Variants in TM4SF20 observed in about 807,000 individuals in gnomAD.
The protein encoded by TM4SF20 is transmembrane 4 L6 family member 20.
A neutral mutation model predicts 15.1 loss-of-function variants in TM4SF20; 13 were observed. The observed-to-expected ratio is 0.86, with a 90% CI of 0.56 to 1.36. TM4SF20 has a LOEUF of 1.36. Among genes scored for constraint, TM4SF20 ranks in the 40% most tolerant of loss-of-function variants. TM4SF20 has a pLI of 0.00. For missense variants in TM4SF20, 282 were observed against 268.4 expected (o/e 1.05, Z -0.35); for synonymous variants, 92 against 96.6 (o/e 0.95, Z 0.28).
At chr2:227,365,303 T>A (rs374314043) in intron 3 of TM4SF20, among the ~76,000 whole-genome samples, 19 of 152,276 alleles carry the variant, frequency 1.2e-4, no homozygotes, top group East Asian at 7.7e-4. Context: ...GGAGAAAAAA[T>A]TTTTTGTATG....
chr2:227,379,740 G>C (rs931433459), upstream of TM4SF20, among the ~76,000 whole-genome samples: 1 of 152,188 alleles, frequency 6.6e-6, no homozygotes, highest in Non-Finnish European at 1.5e-5. Context: ...ATTTCAAGCC[G>C]TATGCTCACA....
chr2:227,363,056 A>C lies in TM4SF20; in HGVS notation c.*668T>G, dbSNP rs1236935657. On this transcript the variant is annotated 3_prime_UTR_variant, in exon 4 of 4. Transcript: ENST00000304568. ...TTGTCCTAGTGTTCCCTGCAAGCTG[A>C]GAATTAGATCTAAAGACTTGATTGC... 6.6e-6 allele frequency: 1 copy of C among 152,148 alleles called. No homozygotes were observed. The highest frequency in any genetic ancestry group is 1.5e-5 in the Non-Finnish European group (1 of 68,020). The allele number at this position is 152,148 out of a possible 1,614,324, so 9.4% of individuals were successfully genotyped here. A position where few individuals can be genotyped will look rare whatever the true frequency, so the allele number is the denominator to read the frequency against.
At chr2:227,378,664 A>G (rs1452247537) in intron 1 of TM4SF20, among the ~76,000 whole-genome samples, 1 of 152,170 alleles carries the variant, frequency 6.6e-6, no homozygotes, top group South Asian at 2.1e-4. Context: ...GTCATCATAC[A>G]TGGGAATGTT....
chr2:227,369,427 C>CTTTTTTTTTTT (rs57148409), intron 2 of TM4SF20, among the ~76,000 whole-genome samples: 1 of 125,326 alleles, frequency 8.0e-6, no homozygotes. Context: ...CCCCATCTGT[C>CTTTTTTTTTTT]TTTTTTTTTT....
chr2:227,377,273 T>C (rs146750906), intron 1 of TM4SF20, among the ~76,000 whole-genome samples: 2 of 152,314 alleles, frequency 1.3e-5, no homozygotes, highest in Non-Finnish European at 2.9e-5. Context: ...TGCTCCTGGC[T>C]TCTGGTGTAA....
At position 227,362,610 on chromosome 2, in the gene TM4SF20, A is replaced by G. The variant is rs2076367505; in HGVS notation, c.*1114T>C. The stretch of plus-strand genomic sequence containing the variant: ...ATGCAGTCAAAATTGTGTTTCATGC[A>G]CAAAGTTATTTAAAATATTGTGTGA... On this transcript the variant is annotated 3_prime_UTR_variant, in exon 4 of 4. Transcript: ENST00000304568. The G allele has an allele frequency of 1.3e-5, 2 of 152,224 alleles. No individual in the cohort carries two copies. Among genetic ancestry groups the G allele is most frequent in the African/African-American group, 4.8e-5 (2 of 41,460 alleles). The allele number at this position is 152,224 out of a possible 1,614,324, so 9.4% of individuals were successfully genotyped here.
At chr2:227,374,403 G>T (rs920545247) in intron 1 of TM4SF20, among the ~76,000 whole-genome samples, 21 of 150,956 alleles carry the variant, frequency 1.4e-4, no homozygotes, top group Admixed American at 8.7e-4. Flanking sequence ...AAATTGGAGG[G>T]GCTCTTTAGA....
At chr2:227,379,008 A>G in intron 1 of TM4SF20, 78 bp downstream of exon 1, 1 of 1,440,394 alleles carries the variant, frequency 6.9e-7, no homozygotes. Context: ...GTTAACTGCA[A>G]GACTGGAAGA....
chr2:227,375,034 C>T (rs1217774498), intron 1 of TM4SF20, among the ~76,000 whole-genome samples: 2 of 151,720 alleles, frequency 1.3e-5, no homozygotes, highest in South Asian at 4.2e-4. Context: ...ACAAGTGATT[C>T]TCCTGCCTCA....
At position 227,370,969 on chromosome 2, in the gene TM4SF20, T is replaced by G. The variant is rs749808805; in HGVS notation, c.195A>C (p.Ala65=). The G allele has an allele frequency of 2.0e-5, 32 of 1,614,014 alleles. No homozygotes were observed. The highest frequency in any genetic ancestry group is 2.7e-5 in the Non-Finnish European group (32 of 1,179,904). ...TTCTTGCTGTCAAGGACATTGTTGT[T>G]GCTGGAATGGCCTGGAAATGACATC... ...IIGAGLMAIP[A]TTMSLTARKR... is the part of the protein sequence containing the mutation. The change falls in exon 2 of 4, where the codon GCA becomes GCC. Residue 65 remains alanine, a synonymous_variant. Coordinates refer to ENST00000304568, the MANE Select transcript of TM4SF20 (RefSeq NM_024795.4).
intron 1 of TM4SF20, among the ~76,000 whole-genome samples, chr2:227,372,362 T>C (rs2076425038): frequency 6.6e-6 from 1 of 152,132 alleles, no homozygotes; most frequent in African/African-American, 2.4e-5. Context: ...AACTAGTCAT[T>C]TGGCTGGGCG....
chr2:227,364,796 G>C (rs1241967280), intron 3 of TM4SF20, among the ~76,000 whole-genome samples: 1 of 152,242 alleles, frequency 6.6e-6, no homozygotes, highest in African/African-American at 2.4e-5. Flanking sequence ...TCTGCAGAGC[G>C]TAGCCTGGTG....
chr2:227,377,098 C>A (rs1420602631), intron 1 of TM4SF20, among the ~76,000 whole-genome samples: 3 of 151,198 alleles, frequency 2.0e-5, no homozygotes, highest in Non-Finnish European at 4.4e-5. Context: ...GTCATCGCCA[C>A]CTCCGACTCC....
At chr2:227,370,713 G>A (rs771384298) in intron 2 of TM4SF20, among the ~76,000 whole-genome samples, 5 of 152,016 alleles carry the variant, frequency 3.3e-5, no homozygotes, top group Non-Finnish European at 5.9e-5. Context: ...AACCGAGATC[G>A]CACCACTGCA....
chr2:227,372,681 G>A lies in TM4SF20; in HGVS notation c.184-1701C>T, dbSNP rs546090401. 2.6e-5 allele frequency among the ~76,000 whole-genome samples: 4 copies of A among 152,178 alleles called. No homozygotes were observed. In the South Asian group the frequency reaches 6.2e-4, roughly 24 times the overall value. On this transcript the variant is annotated intron_variant, in intron 1 of 3. Transcript: ENST00000304568. ...ACAACAAAAAAAGCTAGTCATTTGG[G>A]GTGCAGAGCCCACATAGTTTTTTGT... is the stretch of plus-strand genomic sequence containing the variant.
chr2:227,371,649 G>A (rs1285093657), intron 1 of TM4SF20, among the ~76,000 whole-genome samples: 1 of 152,194 alleles, frequency 6.6e-6, no homozygotes, highest in African/African-American at 2.4e-5. Context: ...AAATTGTATG[G>A]ATTATTCTGG....
Position 227,366,124 on chromosome 2 carries a change from C to T in TM4SF20, c.370G>A (p.Ala124Thr), listed in dbSNP as rs747334569. 2.5e-6 allele frequency: 4 copies of T among 1,613,116 alleles called. No individual in the cohort carries two copies. In the East Asian group the frequency reaches 8.9e-5, roughly 36 times the overall value. The part of the protein sequence containing the change: ...LMCNSPSNSN[A>T]NCEFSLKNIS... ...TTTTTCAATGAAAATTCACAATTGGCATTACTGTTGCTTGGAGAATTACAC... is the reference window on the plus strand; with the variant it reads ...TTTTTCAATGAAAATTCACAATTGGTATTACTGTTGCTTGGAGAATTACAC... The change falls in exon 3 of 4, where the codon GCC becomes ACC. Residue 124 changes from alanine to threonine, a missense_variant. Transcript: ENST00000304568.
At chr2:227,379,046 C>T (rs1490210054) in intron 1 of TM4SF20, 40 bp downstream of exon 1, 1 of 1,589,048 alleles carries the variant, frequency 6.3e-7, no homozygotes, top group Admixed American at 1.7e-5. Context: ...GTGAAATAGG[C>T]AGGCCCTTCT....
chr2:227,374,566 TAA>T (rs942381779), intron 1 of TM4SF20, among the ~76,000 whole-genome samples: 3 of 152,228 alleles, frequency 2.0e-5, no homozygotes, highest in East Asian at 1.9e-4. Flanking sequence ...TTTGTAAAAT[TAA>T]AAGTCTTGCT....
Sources: gnomAD v4.1 joint callset for allele counts (sites outside exome capture counted in the v4.1 genomes callset) on GRCh38, gnomAD v4.1.1 for gene constraint, MANE v1.5 for transcripts, NCBI Gene and HGNC (gene_info 2026-07-23, HGNC 2026-07-21) for gene names.